METTL22: variants seen among roughly 807,000 people sequenced by gnomAD.
METTL22 encodes the protein methyltransferase-like protein 22.
In METTL22, 51 loss-of-function variants were observed where a neutral mutation model predicts 48.4. That is an observed-to-expected ratio of 1.05 (90% CI 0.84 to 1.33). The LOEUF is 1.33. Ranked by LOEUF, METTL22 falls within the 40% of genes most tolerant of loss-of-function variation. METTL22 has a pLI of 0.00. For missense variants in METTL22, 678 were observed against 526.9 expected, an observed-to-expected ratio of 1.29 and a Z score of -2.81; for synonymous variants, 255 against 214.1, an observed-to-expected ratio of 1.19 and a Z score of -1.67.
rs1163545927 is a variant in METTL22 at position 8,625,899 on chromosome 16, C to G, written c.133+101C>G. 3 of 1,416,762 alleles carry G rather than the reference C, an allele frequency of 2.1e-6. No individual in the cohort carries two copies. The African/African-American group carries it at 4.3e-5, about 20-fold the overall frequency. The allele number at this position is 1,416,762 out of a possible 1,614,324, so 87.8% of individuals were successfully genotyped here. A position where few individuals can be genotyped will look rare whatever the true frequency, so the allele number is the denominator to read the frequency against. On this transcript the variant is annotated intron_variant, in intron 2 of 10. Coordinates refer to ENST00000381920, the MANE Select transcript of METTL22 (RefSeq NM_024109.4). ...ATATTGGGAAGACTGGATTACGTAA[C>G]TGTTATCCTCAGACCACTTTTTAAG... is the stretch of plus-strand genomic sequence containing the variant.
the METTL22 span, among the ~76,000 whole-genome samples, chr16:8,662,497 G>A: frequency 2.1e-5 from 3 of 144,572 alleles, 1 homozygote; most frequent in Non-Finnish European, 3.0e-5. Context: ...AACAACTGCT[G>A]TTAGAGCCAT....
the METTL22 span, among the ~76,000 whole-genome samples, chr16:8,660,786 A>G: frequency 6.0e-5 from 4 of 66,184 alleles, no homozygotes; most frequent in Non-Finnish European, 7.9e-5. Flanking sequence ...GTCTTGGAGG[A>G]GGAGGAGGAG....
downstream of METTL22, among the ~76,000 whole-genome samples, chr16:8,653,129 C>T (rs1433760903): frequency 6.6e-6 from 1 of 152,190 alleles, no homozygotes; most frequent in East Asian, 1.9e-4. Context: ...GCCTTCCAGA[C>T]TGTGCTGTTT....
chr16:8,656,723 G>A, the METTL22 span, among the ~76,000 whole-genome samples: 2 of 152,240 alleles, frequency 1.3e-5, no homozygotes, highest in Non-Finnish European at 2.9e-5. Context: ...CCAGGAAGCT[G>A]TCTTACTCCA....
chr16:8,651,212 C>G (rs1223633159), downstream of METTL22, among the ~76,000 whole-genome samples: 11 of 151,314 alleles, frequency 7.3e-5, 1 homozygote, highest in South Asian at 2.3e-3. Flanking sequence ...ATGGTGAAAC[C>G]CCGTCTCTAC....
At position 8,626,023 on chromosome 16, in the gene METTL22, A is replaced by G. The variant is rs77731675; in HGVS notation, c.133+225A>G. Among the ~76,000 whole-genome samples, 683 of 152,122 alleles carry G rather than the reference A, an allele frequency of 4.5e-3. 10 individuals are homozygous for G. The highest frequency in any genetic ancestry group is 0.025 in the East Asian group (128 of 5,174). ...TTTGTTTTTGCTTTTCTTAAAGACA[A>G]TCTCACTCTGTCACCCAGTCTGGAG... On this transcript the variant is annotated intron_variant, in intron 2 of 10. Coordinates refer to ENST00000381920, the MANE Select transcript of METTL22 (RefSeq NM_024109.4).
Position 8,625,577 on chromosome 16 carries a change from T to G in METTL22, c.-89T>G. On this transcript the variant is annotated 5_prime_UTR_variant, in exon 2 of 11. Transcript: ENST00000381920. ...TACTCGCTACCAGCTTGGACCTGTC[T>G]GCAGTATCTCCTCTGGGACCTGCCA... 2.2e-6 allele frequency: 3 copies of G among 1,384,826 alleles called. No homozygotes were observed. The highest frequency in any genetic ancestry group is 3.0e-6 in the Non-Finnish European group (3 of 1,006,496). 85.8% of individuals were successfully genotyped at this position (1,384,826 alleles called of 1,614,324 possible).
chr16:8,625,576 C>A lies in METTL22; in HGVS notation c.-90C>A. 2 of 1,373,962 alleles carry A rather than the reference C, an allele frequency of 1.5e-6. No individual in the cohort carries two copies. The highest frequency in any genetic ancestry group is 2.0e-6 in the Non-Finnish European group (2 of 997,738). 85.1% of individuals were successfully genotyped at this position (1,373,962 alleles called of 1,614,324 possible). On this transcript the variant is annotated 5_prime_UTR_variant, in exon 2 of 11. The change creates a new upstream start codon in the 5' untranslated region. Coordinates refer to ENST00000381920, the MANE Select transcript of METTL22 (RefSeq NM_024109.4). ...CTACTCGCTACCAGCTTGGACCTGT[C>A]TGCAGTATCTCCTCTGGGACCTGCC...
At chr16:8,625,356 A>C (rs1188288094) in intron 1 of METTL22, 140 bp from the exon 2 acceptor site, 1 of 191,566 alleles carries the variant, frequency 5.2e-6, no homozygotes, top group East Asian at 1.3e-4. Flanking sequence ...AAGGGAAAGG[A>C]AACTTTATAA....
chr16:8,636,318 T>A (rs2056420203), intron 5 of METTL22, among the ~76,000 whole-genome samples: 1 of 152,162 alleles, frequency 6.6e-6, no homozygotes, highest in Non-Finnish European at 1.5e-5. Flanking sequence ...GCAGATCACC[T>A]GAGGTCAGGA....
chr16:8,630,122 G>C (rs1171420493), intron 3 of METTL22, among the ~76,000 whole-genome samples: 1 of 152,156 alleles, frequency 6.6e-6, no homozygotes, highest in Non-Finnish European at 1.5e-5. Context: ...CCCCAGCACT[G>C]GCCTTTGGTC....
At chr16:8,633,869 C>T (rs1296922795) in intron 3 of METTL22, among the ~76,000 whole-genome samples, 1 of 152,216 alleles carries the variant, frequency 6.6e-6, no homozygotes, top group Non-Finnish European at 1.5e-5. Flanking sequence ...CTGTAATATA[C>T]ATGTGAGCCA....
At chr16:8,651,303 C>T (rs868038297), downstream of METTL22, among the ~76,000 whole-genome samples, 5 of 130,578 alleles carry the variant, frequency 3.8e-5, no homozygotes, top group East Asian at 2.6e-4. Context: ...AGTAGAATGG[C>T]GTGAACCCGG....
downstream of METTL22, among the ~76,000 whole-genome samples, chr16:8,652,436 G>T (rs1189385699): frequency 6.8e-6 from 1 of 146,198 alleles, no homozygotes; most frequent in African/African-American, 2.6e-5. Context: ...TCCAGCCTGG[G>T]CAACAGAGGG....
intron 1 of METTL22, chr16:8,623,629 T>C (rs1043345973): frequency 2.0e-5 from 3 of 152,238 alleles, no homozygotes; most frequent in Non-Finnish European, 4.4e-5. Context: ...CTGCATTGAT[T>C]TGCCAGATTC....
At chr16:8,622,878 T>C (rs940255134) in intron 1 of METTL22, among the ~76,000 whole-genome samples, 2 of 152,248 alleles carry the variant, frequency 1.3e-5, no homozygotes, top group African/African-American at 4.8e-5. Context: ...GGGTTGAATT[T>C]AAAAATGGAA....
intron 3 of METTL22, among the ~76,000 whole-genome samples, chr16:8,632,369 A>G (rs1435750656): frequency 6.6e-6 from 1 of 152,022 alleles, no homozygotes; most frequent in Non-Finnish European, 1.5e-5. Flanking sequence ...TTTTGTTTCT[A>G]TTTGGCTTTA....
At chr16:8,629,183 G>A (rs1426974146) in intron 3 of METTL22, 73 bp downstream of exon 3, 4 of 1,545,782 alleles carry the variant, frequency 2.6e-6, no homozygotes, top group Middle Eastern at 2.1e-4. Context: ...GGCTCAGTAT[G>A]ATCTGAGCGT....
chr16:8,661,698 T>C, the METTL22 span, among the ~76,000 whole-genome samples: 102,075 of 136,468 alleles, frequency 0.75, 42,515 homozygotes, highest in East Asian at 0.99. Context: ...CCCAACAACT[T>C]TGTACTCATA....
Sources: allele counts gnomAD v4.1 joint callset (sites outside exome capture counted in the v4.1 genomes callset), GRCh38; gene constraint gnomAD v4.1.1; transcripts MANE v1.5; gene names NCBI Gene and HGNC (gene_info 2026-07-23, HGNC 2026-07-21).